Variants in IMMP2L observed in about 807,000 individuals in gnomAD.
IMMP2L encodes the protein inner mitochondrial membrane peptidase subunit 2, also known as mitochondrial inner membrane protease subunit 2.
IMMP2L carries 18 observed loss-of-function variants against 19.3 expected under a neutral mutation model. That is an observed-to-expected ratio of 0.93 (90% CI 0.64 to 1.38). The LOEUF (loss-of-function observed/expected upper bound fraction) is 1.38, where lower values mean the gene tolerates loss of function less well. Among genes scored for constraint, IMMP2L ranks in the 40% most tolerant of loss-of-function variants. The pLI, the probability that IMMP2L is intolerant of heterozygous loss-of-function variation, is 0.00. For synonymous variants in IMMP2L, 76 were observed against 73.0 expected (o/e 1.04, Z -0.21); for missense variants, 233 against 218.2 (o/e 1.07, Z -0.43).
rs1055325285 is a variant in IMMP2L at position 110,870,828 on chromosome 7, G to A, written c.408+15765C>T. On this transcript the variant is annotated intron_variant, in intron 5 of 5. Transcript: ENST00000405709. The surrounding 1 kb of genome is among the most constrained non-coding windows in gnomAD (Gnocchi z 4.2). ...TCAAGGGAATCAGAGAAAACTTAACGCTTTTAATTCTAATAGCAACAGGAA... is the reference window on the plus strand; with the variant it reads ...TCAAGGGAATCAGAGAAAACTTAACACTTTTAATTCTAATAGCAACAGGAA... 9.2e-5 allele frequency among the ~76,000 whole-genome samples: 14 copies of A among 152,150 alleles called. No homozygotes were observed. The highest frequency in any genetic ancestry group is 3.4e-4 in the African/African-American group (14 of 41,444).
intron 3 of IMMP2L, among the ~76,000 whole-genome samples, chr7:111,223,752 G>A (rs1302786093): frequency 6.6e-6 from 1 of 151,982 alleles, no homozygotes; most frequent in African/African-American, 2.4e-5. Flanking sequence ...TTTCATACCT[G>A]GGTTGGCTGA....
At chr7:111,084,739 T>C (rs1467860209) in intron 3 of IMMP2L, among the ~76,000 whole-genome samples, 1 of 152,112 alleles carries the variant, frequency 6.6e-6, no homozygotes, top group Non-Finnish European at 1.5e-5. Context: ...CTGGTTGAGA[T>C]TCCAAAGCAG....
chr7:111,544,078 T>A (rs919788666), intron 1 of IMMP2L, among the ~76,000 whole-genome samples: 1 of 152,112 alleles, frequency 6.6e-6, no homozygotes, highest in African/African-American at 2.4e-5. Flanking sequence ...TAAAAAAGGA[T>A]GAGTTTATGT....
At chr7:110,675,239 C>T (rs1792217721) in intron 5 of IMMP2L, among the ~76,000 whole-genome samples, 2 of 152,122 alleles carry the variant, frequency 1.3e-5, no homozygotes, top group Admixed American at 1.3e-4. Context: ...CCTTTTGGAC[C>T]ATAACTTATC....
At position 111,553,127 on chromosome 7, in the gene IMMP2L, T is replaced by G. The variant is rs576447614; in HGVS notation, c.-3+8724A>C. Among the ~76,000 whole-genome samples, 44 of 152,260 alleles carry G rather than the reference T, an allele frequency of 2.9e-4. 1 individual carries two copies. Among genetic ancestry groups the G allele is most frequent in the African/African-American group, 1.0e-3 (42 of 41,542 alleles). The stretch of plus-strand genomic sequence containing the variant: ...GAGATAACAAACAATCATTGTTGTT[T>G]TCAGCCACTAAGGTTTTCATGTTAC... On this transcript the variant is annotated intron_variant, in intron 1 of 5. Coordinates refer to ENST00000405709, the MANE Select transcript of IMMP2L (RefSeq NM_032549.4).
At chr7:111,028,935 A>C (rs1427154232) in intron 3 of IMMP2L, among the ~76,000 whole-genome samples, 1 of 152,186 alleles carries the variant, frequency 6.6e-6, no homozygotes, top group African/African-American at 2.4e-5. Context: ...CCTCCCTTTT[A>C]AGAAAATCAG....
chr7:111,187,398 A>G (rs1459498938), intron 3 of IMMP2L, among the ~76,000 whole-genome samples: 1 of 152,182 alleles, frequency 6.6e-6, no homozygotes, highest in Admixed American at 6.5e-5. Flanking sequence ...TATTCAGGGC[A>G]ATACCACCCA....
chr7:111,053,465 ACTC>A, intron 3 of IMMP2L, among the ~76,000 whole-genome samples: 1 of 152,098 alleles, frequency 6.6e-6, no homozygotes, highest in African/African-American at 2.4e-5. Context: ...GCTTGAGCTC[ACTC>A]ACCCAGCTCC....
At position 111,031,934 on chromosome 7, in the gene IMMP2L, A is replaced by ATTTTTTT. The variant is rs57560784; in HGVS notation, c.240-68376_240-68370dup. Among the ~76,000 whole-genome samples the ATTTTTTT allele has an allele frequency of 6.3e-4, 68 of 108,062 alleles. 4 individuals are homozygous for ATTTTTTT. The highest frequency in any genetic ancestry group is 1.4e-3 in the African/African-American group (38 of 26,590). The allele number at this position is 108,062 out of a possible 152,430, so 70.9% of individuals were successfully genotyped here. ...GCTATGACCATGAAAAACACCAGAG[A>ATTTTTTT]TTTTTTTTTTTTTTTTTTTTTTGAG... On this transcript the variant is annotated intron_variant, in intron 3 of 5. Coordinates refer to ENST00000405709, the MANE Select transcript of IMMP2L (RefSeq NM_032549.4).
At chr7:111,500,275 C>G (rs1844061904) in intron 2 of IMMP2L, among the ~76,000 whole-genome samples, 1 of 152,160 alleles carries the variant, frequency 6.6e-6, no homozygotes, top group South Asian at 2.1e-4. Flanking sequence ...CCTGCCATTG[C>G]CGAGGCTCGA....
intron 3 of IMMP2L, among the ~76,000 whole-genome samples, chr7:111,016,740 TTA>T (rs1293913714): frequency 4.3e-4 from 42 of 97,516 alleles, no homozygotes; most frequent in African/African-American, 1.4e-3. Flanking sequence ...AATATATATA[TTA>T]TATATATTAT....
chr7:110,762,934 TA>T (rs1798438939), intron 5 of IMMP2L, among the ~76,000 whole-genome samples: 1 of 152,202 alleles, frequency 6.6e-6, no homozygotes, highest in African/African-American at 2.4e-5. Flanking sequence ...AGGATTTGTT[TA>T]AAGTTTAATT....
chr7:111,088,606 T>C (rs1394918479), intron 3 of IMMP2L, among the ~76,000 whole-genome samples: 2 of 152,210 alleles, frequency 1.3e-5, no homozygotes, highest in Non-Finnish European at 2.9e-5. Flanking sequence ...GGCTCTATCC[T>C]GGCTTTAATG....
At chr7:111,521,614 AG>A (rs1397143267) in intron 1 of IMMP2L, among the ~76,000 whole-genome samples, 165 bp from the exon 2 acceptor site, 2 of 152,294 alleles carry the variant, frequency 1.3e-5, no homozygotes, top group Middle Eastern at 6.8e-3. Flanking sequence ...ACTTACTTAA[AG>A]TCCTAAAGTG....
At chr7:111,126,075 G>A (rs987553977) in intron 3 of IMMP2L, among the ~76,000 whole-genome samples, 2 of 151,830 alleles carry the variant, frequency 1.3e-5, no homozygotes, top group African/African-American at 2.4e-5. Context: ...TGCCCACCTC[G>A]GTGCCCCAAA....
chr7:111,319,089 G>A (rs1409206117), intron 3 of IMMP2L, among the ~76,000 whole-genome samples: 1 of 152,056 alleles, frequency 6.6e-6, no homozygotes, highest in East Asian at 1.9e-4. Flanking sequence ...GGCTAAGTAA[G>A]CGTTACCAAA....
chr7:111,529,304 T>A (rs1038291934), intron 1 of IMMP2L, among the ~76,000 whole-genome samples: 1 of 152,158 alleles, frequency 6.6e-6, no homozygotes, highest in African/African-American at 2.4e-5. Flanking sequence ...TGTGGTCTAA[T>A]ACAAGGATAA....
At position 111,264,896 on chromosome 7, in the gene IMMP2L, A is replaced by G. The variant is rs76401549; in HGVS notation, c.239+222342T>C. ...GTAGGGCAGGAACCAATGGGAAAGGACGCTGATATACTGAATTCCCCCTAT... is the reference window on the plus strand; with the variant it reads ...GTAGGGCAGGAACCAATGGGAAAGGGCGCTGATATACTGAATTCCCCCTAT... On this transcript the variant is annotated intron_variant, in intron 3 of 5. Coordinates refer to ENST00000405709, the MANE Select transcript of IMMP2L (RefSeq NM_032549.4). Among the ~76,000 whole-genome samples, 1,136 of 152,202 alleles carry G rather than the reference A, an allele frequency of 7.5e-3. 17 individuals are homozygous for G. Among genetic ancestry groups the G allele is most frequent in the African/African-American group, 0.026 (1,089 of 41,542 alleles).
Position 111,124,967 on chromosome 7 carries a change from A to AAAAAC in IMMP2L, c.240-161407_240-161403dup, listed in dbSNP as rs1313570331. On this transcript the variant is annotated intron_variant, in intron 3 of 5. Transcript: ENST00000405709. ...AAAAGCGAAAGACTGCAGTTGTGCT[A>AAAAAC]AAAACAAAACAAAACAAACAAACAA... The AAAAAC allele has an allele frequency of 3.2e-5, 36 of 1,126,190 alleles. 1 individual carries two copies. Among genetic ancestry groups the AAAAAC allele is most frequent in the Non-Finnish European group, 3.1e-5 (25 of 796,380 alleles). 69.8% of individuals were successfully genotyped at this position (1,126,190 alleles called of 1,614,324 possible).
Sources: gnomAD v4.1 joint callset for allele counts (sites outside exome capture counted in the v4.1 genomes callset) on GRCh38, gnomAD v4.1.1 for gene constraint, Gnocchi (gnomAD v3.1) non-coding constraint, MANE v1.5 for transcripts, NCBI Gene and HGNC (gene_info 2026-07-23, HGNC 2026-07-21) for gene names.